STAU2: variants seen among roughly 807,000 people sequenced by gnomAD.
STAU2 encodes double-stranded RNA-binding protein Staufen homolog 2.
Under a neutral mutation model 65.9 loss-of-function variants are expected in STAU2, and 20 were observed. That is an observed-to-expected ratio of 0.30 (90% CI 0.21 to 0.44). The LOEUF (loss-of-function observed/expected upper bound fraction) is 0.44. Among genes scored for constraint, STAU2 ranks in the 20% least tolerant of loss-of-function variants. The pLI is 1.00. For missense variants in STAU2, 558 were observed against 683.9 expected, an observed-to-expected ratio of 0.82 and a Z score of 2.05; for synonymous variants, 232 against 233.9, an observed-to-expected ratio of 0.99 and a Z score of 0.07.
At chr8:73,476,688 G>C (rs915466750) in intron 13 of STAU2, among the ~76,000 whole-genome samples, 1 of 152,180 alleles carries the variant, frequency 6.6e-6, no homozygotes, top group Non-Finnish European at 1.5e-5. Flanking sequence ...CGAGGCAGAC[G>C]TTAGTATCTT....
intron 11 of STAU2, among the ~76,000 whole-genome samples, chr8:73,590,361 A>C (rs1810684893): frequency 1.3e-5 from 2 of 152,264 alleles, no homozygotes. Flanking sequence ...TACATCAACA[A>C]GAACAAGTAA....
At chr8:73,720,516 T>C (rs1173731038) in intron 3 of STAU2, among the ~76,000 whole-genome samples, 3 of 49,946 alleles carry the variant, frequency 6.0e-5, no homozygotes, top group African/African-American at 1.2e-4. Context: ...TTTTTTTTTT[T>C]TTTTTTTGAG....
chr8:73,579,111 G>A (rs934300495), intron 12 of STAU2, among the ~76,000 whole-genome samples: 9 of 151,820 alleles, frequency 5.9e-5, no homozygotes, highest in African/African-American at 1.7e-4. Flanking sequence ...GTTTCAGGAT[G>A]TTCAGTGTTT....
chr8:73,497,135 C>T (rs1821462729), intron 13 of STAU2, among the ~76,000 whole-genome samples: 1 of 151,604 alleles, frequency 6.6e-6, no homozygotes, highest in African/African-American at 2.4e-5. Flanking sequence ...AAAGAACTGG[C>T]AATTATCTTC....
chr8:73,442,214 T>C (rs1404790277), intron 13 of STAU2, among the ~76,000 whole-genome samples: 1 of 151,514 alleles, frequency 6.6e-6, no homozygotes. Context: ...ATTAGCTGGG[T>C]GTGGTGGCGG....
At chr8:73,539,214 T>G (rs112537410) in intron 13 of STAU2, among the ~76,000 whole-genome samples, 5,420 of 152,276 alleles carry the variant, frequency 0.036, 270 homozygotes, top group Admixed American at 0.13. Context: ...AATGTTAGGA[T>G]GCAATCCAAC....
intron 6 of STAU2, among the ~76,000 whole-genome samples, chr8:73,636,454 T>C (rs553585655): frequency 5.9e-5 from 9 of 152,098 alleles, no homozygotes; most frequent in African/African-American, 2.2e-4. Flanking sequence ...AATTTTACAA[T>C]GTCCAGAATA....
chr8:73,542,334 A>G (rs1351343510), intron 13 of STAU2, among the ~76,000 whole-genome samples: 2 of 152,144 alleles, frequency 1.3e-5, no homozygotes, highest in African/African-American at 4.8e-5. Flanking sequence ...AATTAACTTT[A>G]AGTGGGTCTT....
intron 12 of STAU2, among the ~76,000 whole-genome samples, chr8:73,557,567 C>T (rs1807884616): frequency 6.6e-6 from 1 of 152,228 alleles, no homozygotes; most frequent in Non-Finnish European, 1.5e-5. Flanking sequence ...TAGGATGTGA[C>T]TGTTTTCCCA....
At chr8:73,423,925 A>G (rs1016999037) in intron 13 of STAU2, among the ~76,000 whole-genome samples, 2 of 152,190 alleles carry the variant, frequency 1.3e-5, no homozygotes, top group African/African-American at 4.8e-5. Flanking sequence ...CATGGTTTAC[A>G]TAAGGGTTCA....
At chr8:73,648,942 G>C (rs1478646158) in intron 6 of STAU2, among the ~76,000 whole-genome samples, 3 of 152,070 alleles carry the variant, frequency 2.0e-5, no homozygotes, top group African/African-American at 7.2e-5. Context: ...TAGTAGCTGG[G>C]ACTACAGGCC....
At chr8:73,515,930 A>C (rs1412230987) in intron 13 of STAU2, among the ~76,000 whole-genome samples, 5 of 131,466 alleles carry the variant, frequency 3.8e-5, no homozygotes, top group Admixed American at 7.7e-5. Context: ...TAGGGCACTG[A>C]CTCTTTTTTT....
At chr8:73,424,780 A>T (rs1816673679) in intron 13 of STAU2, among the ~76,000 whole-genome samples, 1 of 151,490 alleles carries the variant, frequency 6.6e-6, no homozygotes, top group South Asian at 2.1e-4. Flanking sequence ...AAAAGTCGGC[A>T]TGCGTCCTTT....
At chr8:73,618,083 G>C (rs1812970240) in intron 6 of STAU2, among the ~76,000 whole-genome samples, 1 of 152,026 alleles carries the variant, frequency 6.6e-6, no homozygotes, top group South Asian at 2.1e-4. Context: ...AAAACCAAAA[G>C]AAATTAAGCA....
intron 6 of STAU2, among the ~76,000 whole-genome samples, chr8:73,652,067 A>C (rs924276350): frequency 1.8e-4 from 27 of 152,214 alleles, no homozygotes; most frequent in African/African-American, 6.5e-4. Context: ...ATATGATAAA[A>C]GGGTAATTTG....
chr8:73,712,741 G>A (rs1418248049), intron 3 of STAU2, among the ~76,000 whole-genome samples: 1 of 152,120 alleles, frequency 6.6e-6, no homozygotes, highest in Admixed American at 6.5e-5. Flanking sequence ...GATCGCTTAA[G>A]GCCAGGGGTT....
intron 11 of STAU2, among the ~76,000 whole-genome samples, chr8:73,585,143 T>TTAAA (rs199722126): frequency 0.028 from 4,282 of 152,322 alleles, 177 homozygotes; most frequent in African/African-American, 0.089. Context: ...TCTGTTTTAT[T>TTAAA]TGACTAAACT....
chr8:73,743,404 C>G (rs147550088), intron 1 of STAU2, among the ~76,000 whole-genome samples: 1 of 151,644 alleles, frequency 6.6e-6, no homozygotes, highest in African/African-American at 2.4e-5. Context: ...ACGGTTCATT[C>G]TGGCCCAAAG....
At chr8:73,467,641 G>A (rs1819733601) in intron 13 of STAU2, among the ~76,000 whole-genome samples, 1 of 152,164 alleles carries the variant, frequency 6.6e-6, no homozygotes, top group African/African-American at 2.4e-5. Flanking sequence ...GAAAACAAAG[G>A]GGCAGAGAGC....
Sources: gnomAD v4.1 joint callset for allele counts (sites outside exome capture counted in the v4.1 genomes callset) on GRCh38, gnomAD v4.1.1 for gene constraint, MANE v1.5 for transcripts, NCBI Gene and HGNC (gene_info 2026-07-23, HGNC 2026-07-21) for gene names.